The following SPATA16 variants were observed in gnomAD, a reference collection of about 807,000 sequenced individuals.
The protein encoded by SPATA16 is spermatogenesis-associated protein 16.
Under a neutral mutation model 63.3 loss-of-function variants are expected in SPATA16, and 36 were observed. That is an observed-to-expected ratio of 0.57 (90% CI 0.44 to 0.75). SPATA16 has a LOEUF of 0.75. Ranked by LOEUF, SPATA16 falls within the 30% of genes least tolerant of loss-of-function variation. The pLI is 0.00. For synonymous variants in SPATA16, 203 were observed against 216.7 expected (o/e 0.94, Z 0.56); for missense variants, 646 against 679.3 (o/e 0.95, Z 0.54).
intron 8 of SPATA16, among the ~76,000 whole-genome samples, chr3:172,920,052 A>C (rs995471669): frequency 9.2e-5 from 14 of 152,210 alleles, no homozygotes; most frequent in African/African-American, 3.4e-4. Context: ...GTTGTGTGTT[A>C]TGCATGTTTT....
chr3:172,913,549 A>G (rs912971514), intron 10 of SPATA16, 112 bp downstream of exon 10: 3 of 1,078,778 alleles, frequency 2.8e-6, no homozygotes, highest in Admixed American at 2.1e-5. Flanking sequence ...AAGGAAAACA[A>G]AAAAACAAAC....
intron 4 of SPATA16, among the ~76,000 whole-genome samples, chr3:172,977,599 C>A (rs972548083): frequency 5.9e-5 from 9 of 152,076 alleles, no homozygotes; most frequent in Non-Finnish European, 1.0e-4. Flanking sequence ...ATTTTAATGT[C>A]TAGTGTGTAG....
intron 1 of SPATA16, among the ~76,000 whole-genome samples, chr3:173,131,432 G>A (rs746043828): frequency 2.6e-5 from 4 of 152,112 alleles, no homozygotes; most frequent in Non-Finnish European, 2.9e-5. Context: ...CAACTTCTAG[G>A]GGCATTTGCT....
intron 6 of SPATA16, among the ~76,000 whole-genome samples, chr3:172,945,426 T>G (rs1189106288): frequency 6.6e-6 from 1 of 152,170 alleles, no homozygotes; most frequent in Non-Finnish European, 1.5e-5. Flanking sequence ...AATACCTTCA[T>G]AAGAACAAAA....
At chr3:172,955,292 A>G (rs1458166155) in intron 6 of SPATA16, among the ~76,000 whole-genome samples, 1 of 152,152 alleles carries the variant, frequency 6.6e-6, no homozygotes, top group Non-Finnish European at 1.5e-5. Flanking sequence ...TTACCAATGG[A>G]TCTGGGAGTG....
intron 6 of SPATA16, among the ~76,000 whole-genome samples, chr3:172,934,396 AGAT>A (rs1165790945): frequency 2.0e-5 from 3 of 152,190 alleles, no homozygotes; most frequent in Non-Finnish European, 4.4e-5. Flanking sequence ...ATTAAGAGAT[AGAT>A]GATGAAGCCA....
At chr3:172,925,522 G>C (rs370476094) in intron 6 of SPATA16, 30 bp from the exon 7 acceptor site, 41 of 1,613,420 alleles carry the variant, frequency 2.5e-5, no homozygotes, top group Non-Finnish European at 3.4e-5. Context: ...GAACTAAGAG[G>C]CTTTGTTATG....
intron 1 of SPATA16, among the ~76,000 whole-genome samples, chr3:173,121,795 G>A (rs972383612): frequency 3.2e-4 from 48 of 152,120 alleles, no homozygotes; most frequent in Admixed American, 3.0e-3. Flanking sequence ...TTGTTTCTGA[G>A]AAATATTTCT....
chr3:173,054,562 C>G (rs139197602), intron 2 of SPATA16, among the ~76,000 whole-genome samples: 1 of 152,066 alleles, frequency 6.6e-6, no homozygotes, highest in Non-Finnish European at 1.5e-5. Flanking sequence ...CCTATTCTCA[C>G]TCATAAATGG....
chr3:172,912,637 AT>A (rs1038280174), intron 10 of SPATA16, among the ~76,000 whole-genome samples: 1 of 151,858 alleles, frequency 6.6e-6, no homozygotes, highest in African/African-American at 2.4e-5. Context: ...TAGTAAATAT[AT>A]TTTCTCTTCA....
At chr3:172,982,711 A>T (rs1481868966) in intron 4 of SPATA16, among the ~76,000 whole-genome samples, 2 of 152,190 alleles carry the variant, frequency 1.3e-5, no homozygotes, top group African/African-American at 4.8e-5. Flanking sequence ...TTTATTTTCC[A>T]GTTTTATTTA....
At chr3:173,031,102 T>C (rs1735594264) in intron 3 of SPATA16, among the ~76,000 whole-genome samples, 1 of 152,086 alleles carries the variant, frequency 6.6e-6, no homozygotes, top group African/African-American at 2.4e-5. Flanking sequence ...ATTTGTTATT[T>C]AATAGGCATA....
At chr3:172,918,076 C>T (rs1483871821) in intron 8 of SPATA16, among the ~76,000 whole-genome samples, 2 of 152,170 alleles carry the variant, frequency 1.3e-5, no homozygotes, top group Non-Finnish European at 2.9e-5. Flanking sequence ...TTGATGATTG[C>T]AAATGGTAGA....
chr3:172,981,391 C>T (rs1034440897), intron 4 of SPATA16, among the ~76,000 whole-genome samples: 1 of 152,140 alleles, frequency 6.6e-6, no homozygotes, highest in Non-Finnish European at 1.5e-5. Context: ...AAAAACTAAC[C>T]TCTTTATAGT....
At chr3:172,891,266 A>G (rs1731889630) in intron 10 of SPATA16, among the ~76,000 whole-genome samples, 1 of 152,232 alleles carries the variant, frequency 6.6e-6, no homozygotes, top group Middle Eastern at 3.2e-3. Context: ...ACAGTGAAAT[A>G]ATTGTTTTTA....
intron 6 of SPATA16, among the ~76,000 whole-genome samples, chr3:172,945,176 A>G (rs1577100094): frequency 1.3e-5 from 2 of 152,204 alleles, no homozygotes; most frequent in South Asian, 2.1e-4. Flanking sequence ...GTCTTTTAGC[A>G]TATTTCAAAT....
chr3:172,965,884 A>G (rs766010473), intron 5 of SPATA16, among the ~76,000 whole-genome samples: 3 of 151,974 alleles, frequency 2.0e-5, no homozygotes, highest in Non-Finnish European at 2.9e-5. Flanking sequence ...CCTTTTCTTT[A>G]TTATTTCTTT....
In SPATA16 at chr3:172,889,621, A is replaced by G. The variant is rs780232245; in HGVS notation, c.1659T>C (p.Ala553=). 3.1e-6 allele frequency: 5 copies of G among 1,613,740 alleles called. No individual in the cohort carries two copies. In the African/African-American group the frequency reaches 6.7e-5, roughly 22 times the overall value. ...SFLKTKKLRT[A]RRQKTKMKRL... The stretch of plus-strand genomic sequence containing the variant: ...GCTTCATTTTTGTTTTTTGCCTTCG[A>G]GCAGTTCTCAGTTTTTTAGTTTTTA... Residue 553 remains alanine (A), a synonymous_variant, in exon 11 of 11, where the codon GCT becomes GCC. Transcript: ENST00000351008.
chr3:172,950,098 T>C (rs185993893), intron 6 of SPATA16, among the ~76,000 whole-genome samples: 19 of 152,336 alleles, frequency 1.2e-4, no homozygotes, highest in Admixed American at 1.1e-3. Flanking sequence ...TTTCTTTAAA[T>C]GCAACTTGTC....
Sources: allele counts gnomAD v4.1 joint callset (sites outside exome capture counted in the v4.1 genomes callset), GRCh38; gene constraint gnomAD v4.1.1; transcripts MANE v1.5; gene names NCBI Gene and HGNC (gene_info 2026-07-23, HGNC 2026-07-21).